Variants in EVC2 observed in about 807,000 individuals in gnomAD.
EVC2 encodes EvC ciliary complex subunit 2, also known as limbin.
A neutral mutation model predicts 149.3 loss-of-function variants in EVC2; 148 were observed. That is an observed-to-expected ratio of 0.99 (90% CI 0.87 to 1.14). The LOEUF (loss-of-function observed/expected upper bound fraction) is 1.14, where lower values mean the gene tolerates loss of function less well. Ranked by LOEUF, EVC2 falls within the 50% of genes most tolerant of loss-of-function variation. The pLI is 0.00. For synonymous variants in EVC2, 776 were observed against 649.9 expected (o/e 1.19, Z -2.95); for missense variants, 1,854 against 1,627.3 (o/e 1.14, Z -2.40).
At position 5,686,434 on chromosome 4, in the gene EVC2, G is replaced by A. The variant is rs568914646; in HGVS notation, c.707-955C>T. 2.0e-5 allele frequency among the ~76,000 whole-genome samples: 3 copies of A among 152,156 alleles called. No homozygotes were observed. The highest frequency in any genetic ancestry group is 2.9e-5 in the Non-Finnish European group (2 of 68,008). ...TAATGGCAGTGACAATGACAATGACGGGGAAAGAAGTCATAGTCAGACCTT... is the reference window on the plus strand; with the variant it reads ...TAATGGCAGTGACAATGACAATGACAGGGAAAGAAGTCATAGTCAGACCTT... On this transcript the variant is annotated intron_variant, in intron 5 of 21. Coordinates refer to ENST00000344408, the MANE Select transcript of EVC2 (RefSeq NM_147127.5). This position sits in a 1 kb window ranked among gnomAD's most constrained non-coding sequence, Gnocchi z 5.4.
chr4:5,543,228 A>G (rs1229528440), intron 21 of EVC2: 3 of 1,289,146 alleles, frequency 2.3e-6, no homozygotes, highest in Admixed American at 2.3e-5. Flanking sequence ...ACAGGATACA[A>G]TCCTGGTCTA....
At chr4:5,580,880 A>G (rs1349861256) in intron 17 of EVC2, among the ~76,000 whole-genome samples, 1 of 152,092 alleles carries the variant, frequency 6.6e-6, no homozygotes, top group Non-Finnish European at 1.5e-5. Context: ...TGGATCCTTC[A>G]TGAATGGTTT....
At chr4:5,702,815 G>C (rs1721907195) in intron 1 of EVC2, among the ~76,000 whole-genome samples, 1 of 152,134 alleles carries the variant, frequency 6.6e-6, no homozygotes, top group East Asian at 1.9e-4. Context: ...GACAAGTCTG[G>C]GTGGACATCT....
At chr4:5,571,272 C>A (rs552924341) in intron 19 of EVC2, among the ~76,000 whole-genome samples, 1 of 139,306 alleles carries the variant, frequency 7.2e-6, no homozygotes, top group African/African-American at 2.6e-5. Flanking sequence ...GAGCCAAGAT[C>A]GCGCCACTGC....
At position 5,640,938 on chromosome 4, in the gene EVC2, G is replaced by A. The variant is rs1717285938; in HGVS notation, c.1146-100C>T. 7.4e-7 allele frequency: 1 copy of A among 1,358,944 alleles called. No individual in the cohort carries two copies. The highest frequency in any genetic ancestry group is 1.7e-5 in the Admixed American group (1 of 58,148). The allele number at this position is 1,358,944 out of a possible 1,614,324, so 84.2% of individuals were successfully genotyped here. ...AGGTTTTCATTTATGTGTAGGCAAG[G>A]GCTTTCTTCGTCTTCCTTTTCTTCC... On this transcript the variant is annotated intron_variant, in intron 9 of 21. Transcript: ENST00000344408. This position sits in a 1 kb window ranked among gnomAD's most constrained non-coding sequence, Gnocchi z 4.6.
chr4:5,597,416 T>C (rs556222365), intron 16 of EVC2, among the ~76,000 whole-genome samples: 216 of 149,684 alleles, frequency 1.4e-3, no homozygotes, highest in African/African-American at 4.8e-3. Context: ...GTTCAATATA[T>C]GCAAATCAAT....
At chr4:5,674,234 G>T (rs1442694306) in intron 7 of EVC2, among the ~76,000 whole-genome samples, 1 of 152,074 alleles carries the variant, frequency 6.6e-6, no homozygotes, top group African/African-American at 2.4e-5. Flanking sequence ...GATAATCACA[G>T]GCAGAGACAA....
intron 9 of EVC2, among the ~76,000 whole-genome samples, chr4:5,650,638 TAGAGAGAGAGAGAG>T (rs375595646): frequency 4.0e-4 from 18 of 45,100 alleles, no homozygotes; most frequent in Admixed American, 9.1e-4. Flanking sequence ...TATATATATA[TAGAGAGAGAGAGAG>T]AGAGAGAGAG....
Position 5,614,268 on chromosome 4 carries a change from C to T in EVC2, c.2829+1154G>A, listed in dbSNP as rs568914319. ...TTTCTTTCCTTAATAGCACTGATGA[C>T]AGTCTATCATTTTAAGTGTTTATGA... On this transcript the variant is annotated intron_variant, in intron 16 of 21. Transcript: ENST00000344408. The surrounding 1 kb of genome is among the most constrained non-coding windows in gnomAD (Gnocchi z 4.7). 6.6e-6 allele frequency among the ~76,000 whole-genome samples: 1 copy of T among 152,184 alleles called. No homozygotes were observed. Among genetic ancestry groups the T allele is most frequent in the Non-Finnish European group, 1.5e-5 (1 of 68,036 alleles).
chr4:5,649,914 T>A (rs1717991628), intron 9 of EVC2, among the ~76,000 whole-genome samples: 1 of 152,226 alleles, frequency 6.6e-6, no homozygotes, highest in African/African-American at 2.4e-5. Flanking sequence ...CTCCTGAGTA[T>A]ATTTGCTGTC....
In EVC2 at chr4:5,706,345, GATAGATAGACAC is replaced by G. The variant is rs1560243226; in HGVS notation, c.228+1929_228+1940del. 3.6e-3 allele frequency among the ~76,000 whole-genome samples: 334 copies of G among 93,596 alleles called. 37 individuals are homozygous for G. Among genetic ancestry groups the G allele is most frequent in the East Asian group, 8.1e-3 (23 of 2,844 alleles). 61.4% of individuals were successfully genotyped at this position (93,596 alleles called of 152,430 possible). A position where few individuals can be genotyped will look rare whatever the true frequency, so the allele number is the denominator to read the frequency against. The stretch of plus-strand genomic sequence containing the variant: ...ACATAGATAGATAGATAGATACATA[GATAGATAGACAC>G]ATAGATAGATACATAGATAGATACA... On this transcript the variant is annotated intron_variant, in intron 1 of 21. Coordinates refer to ENST00000344408, the MANE Select transcript of EVC2 (RefSeq NM_147127.5).
intron 10 of EVC2, 99 bp from the exon 11 acceptor site, chr4:5,632,131 T>C (rs1233887343): frequency 1.3e-6 from 2 of 1,504,506 alleles, no homozygotes; most frequent in Non-Finnish European, 1.8e-6. Flanking sequence ...GCACACACAA[T>C]GTGTACATGA....
rs907449225 is a variant in EVC2, at chr4:5,677,791, C to A, written c.870+3469G>T. ...TGTACCGCACAGTGGGGGACACAGGCAAATCCGACATGGCCTCACCCGCCA... is the reference window on the plus strand; with the variant it reads ...TGTACCGCACAGTGGGGGACACAGGAAAATCCGACATGGCCTCACCCGCCA... On this transcript the variant is annotated intron_variant, in intron 7 of 21. Coordinates refer to ENST00000344408, the MANE Select transcript of EVC2 (RefSeq NM_147127.5). The surrounding 1 kb of genome is among the most constrained non-coding windows in gnomAD (Gnocchi z 4.3). Among the ~76,000 whole-genome samples, 1 of 152,218 alleles carries A rather than the reference C, an allele frequency of 6.6e-6. No homozygotes were observed. The highest frequency in any genetic ancestry group is 2.4e-5 in the African/African-American group (1 of 41,460).
chr4:5,673,020 A>C (rs563735036), intron 7 of EVC2, among the ~76,000 whole-genome samples: 1 of 152,344 alleles, frequency 6.6e-6, no homozygotes, highest in Admixed American at 6.5e-5. Flanking sequence ...ACCAATGGGT[A>C]CCAAGTTTCC....
chr4:5,589,652 G>A (rs1414713669), intron 16 of EVC2, among the ~76,000 whole-genome samples: 2 of 147,844 alleles, frequency 1.4e-5, no homozygotes, highest in African/African-American at 5.3e-5. Flanking sequence ...ACAATGACGG[G>A]GTGAATTCCT....
chr4:5,615,578 G>T (rs1355133352), intron 15 of EVC2, 34 bp from the exon 16 acceptor site: 5 of 1,614,058 alleles, frequency 3.1e-6, no homozygotes, highest in Non-Finnish European at 4.2e-6. Flanking sequence ...TGGGTAAGAA[G>T]GCAATCACCA....
At chr4:5,698,859 T>C (rs79944334) in intron 1 of EVC2, among the ~76,000 whole-genome samples, 2,622 of 152,344 alleles carry the variant, frequency 0.017, 70 homozygotes, top group African/African-American at 0.06. Flanking sequence ...TTGAGCGGGA[T>C]GCTCAGGCCT....
chr4:5,666,737 T>C (rs980980839), intron 7 of EVC2, among the ~76,000 whole-genome samples: 7 of 152,338 alleles, frequency 4.6e-5, no homozygotes, highest in South Asian at 2.1e-4. Context: ...GCATTACTCA[T>C]TGAAGAAAAA....
chr4:5,622,679 G>T lies in EVC2; in HGVS notation c.2359C>A (p.Arg787=), dbSNP rs776830520. ...TCCTCCCCCTCCAGCTGCTCGGCCC[G>T]TGCAGCCATCTCCTTGCCGTGCTCC... is the stretch of plus-strand genomic sequence containing the variant. ...LEEHGKEMAA[R]AEQLEGEERD... Residue 787 remains arginine (R), a synonymous_variant, in exon 14 of 22, where the codon CGG becomes AGG. Transcript: ENST00000344408. The surrounding 1 kb of genome is among the most constrained non-coding windows in gnomAD (Gnocchi z 5.8). The T allele has an allele frequency of 6.2e-7, 1 of 1,614,050 alleles. No individual in the cohort carries two copies. Among genetic ancestry groups the T allele is most frequent in the Non-Finnish European group, 8.5e-7 (1 of 1,180,024 alleles).
Sources: gnomAD v4.1 joint callset for allele counts (sites outside exome capture counted in the v4.1 genomes callset) on GRCh38, gnomAD v4.1.1 for gene constraint, Gnocchi (gnomAD v3.1) non-coding constraint, MANE v1.5 for transcripts, NCBI Gene and HGNC (gene_info 2026-07-23, HGNC 2026-07-21) for gene names.